MYT1L: variants seen among roughly 807,000 people sequenced by gnomAD.
MYT1L encodes myelin transcription factor 1-like protein.
A neutral mutation model predicts 126.7 loss-of-function variants in MYT1L; 12 were observed. The ratio of observed to expected loss-of-function variants is 0.09; its 90% CI spans 0.06 to 0.15. The LOEUF is 0.15. Among genes scored for constraint, MYT1L ranks in the 10% least tolerant of loss-of-function variants. The probability of loss-of-function intolerance (pLI) is 1.00; values close to 1 mark genes in which losing one functional copy is unlikely to be tolerated. For synonymous variants in MYT1L, 541 were observed against 604.2 expected (o/e 0.90, Z 1.53); for missense variants, 979 against 1,585.2 (o/e 0.62, Z 6.49).
At chr2:1,865,067 A>G (rs1401117239) in intron 18 of MYT1L, among the ~76,000 whole-genome samples, 1 of 151,926 alleles carries the variant, frequency 6.6e-6, no homozygotes, top group African/African-American at 2.4e-5. Flanking sequence ...TCTTGTGGGG[A>G]GGCGGGGGAA....
At chr2:2,012,582 T>A (rs2063940213) in intron 4 of MYT1L, among the ~76,000 whole-genome samples, 2 of 152,206 alleles carry the variant, frequency 1.3e-5, no homozygotes. Context: ...GTTTTCCTTT[T>A]CATGGTTTCA....
chr2:2,276,570 T>G (rs1215681447), intron 2 of MYT1L, among the ~76,000 whole-genome samples: 2 of 152,178 alleles, frequency 1.3e-5, no homozygotes, highest in Non-Finnish European at 2.9e-5. Flanking sequence ...CACTTCACCT[T>G]GGTCCTCCTG....
chr2:2,284,964 C>T (rs2095497985), intron 1 of MYT1L, among the ~76,000 whole-genome samples: 1 of 152,180 alleles, frequency 6.6e-6, no homozygotes, highest in South Asian at 2.1e-4. Context: ...GATCCGCCCA[C>T]CTTAGCCTCC....
intron 4 of MYT1L, among the ~76,000 whole-genome samples, chr2:2,004,045 TC>T (rs984936772): frequency 6.7e-5 from 10 of 150,070 alleles, no homozygotes. Context: ...ATGCATTCTT[TC>T]CTGCATACTT....
At chr2:1,996,559 G>A (rs1257624537) in intron 5 of MYT1L, among the ~76,000 whole-genome samples, 2 of 145,790 alleles carry the variant, frequency 1.4e-5, no homozygotes, top group East Asian at 2.1e-4. Context: ...GCACAGAACC[G>A]AGTGTAGACG....
intron 4 of MYT1L, among the ~76,000 whole-genome samples, chr2:2,044,699 G>A (rs2067960533): frequency 1.3e-5 from 2 of 152,168 alleles, no homozygotes; most frequent in Non-Finnish European, 1.5e-5. Flanking sequence ...TGGGCGATGG[G>A]GGCCATGGCT....
Position 1,943,163 on chromosome 2 carries a change from C to T in MYT1L, c.324G>A (p.Glu108=), listed in dbSNP as rs758715369. Residue 108 remains glutamate (E), a synonymous_variant, in exon 9 of 25, where the codon GAG becomes GAA. Transcript: ENST00000647738. This position sits in a 1 kb window ranked among gnomAD's most constrained non-coding sequence, Gnocchi z 4.4. Reference sequence around the variant, plus strand: ...GCTCATCATTGTCCTCGGAGTACTCCTCCCCCTCATCCTCCTCCTTCTCAT... The same window carrying T: ...GCTCATCATTGTCCTCGGAGTACTCTTCCCCCTCATCCTCCTCCTTCTCAT... The part of the protein sequence containing the change: ...DMDEKEEDEG[E]EYSEDNDEPG... 1 of 1,545,386 alleles carries T rather than the reference C, an allele frequency of 6.5e-7. No homozygotes were observed. Among genetic ancestry groups the T allele is most frequent in the South Asian group, 1.2e-5 (1 of 83,870 alleles).
intron 13 of MYT1L, among the ~76,000 whole-genome samples, chr2:1,909,790 C>G (rs376620021): frequency 6.6e-6 from 1 of 152,154 alleles, no homozygotes; most frequent in Non-Finnish European, 1.5e-5. Context: ...CGGTTTTGCA[C>G]GCGAGAGCTT....
chr2:1,880,759 G>A (rs552911635), intron 18 of MYT1L, among the ~76,000 whole-genome samples: 1 of 152,188 alleles, frequency 6.6e-6, no homozygotes, highest in African/African-American at 2.4e-5. Flanking sequence ...CCCATGGTCT[G>A]CGTTTTCTTT....
At chr2:1,857,390 T>C (rs560760485) in intron 18 of MYT1L, among the ~76,000 whole-genome samples, 1 of 152,218 alleles carries the variant, frequency 6.6e-6, no homozygotes, top group Non-Finnish European at 1.5e-5. Flanking sequence ...CCTCATCTAA[T>C]TGAGTCATTC....
intron 3 of MYT1L, among the ~76,000 whole-genome samples, chr2:2,062,107 T>C (rs1456283770): frequency 6.6e-6 from 1 of 152,182 alleles, no homozygotes; most frequent in African/African-American, 2.4e-5. Context: ...CCCAAGCCCT[T>C]CTCACAGTTT....
chr2:2,127,499 C>T (rs934813000), intron 3 of MYT1L, among the ~76,000 whole-genome samples: 27 of 152,268 alleles, frequency 1.8e-4, no homozygotes, highest in African/African-American at 4.3e-4. Context: ...AAACCCACAC[C>T]GCCATCTCAA....
chr2:2,129,545 A>C (rs898834982), intron 3 of MYT1L, among the ~76,000 whole-genome samples: 1 of 152,220 alleles, frequency 6.6e-6, no homozygotes, highest in Non-Finnish European at 1.5e-5. Context: ...GAGCCCACAC[A>C]GGAGAGAACA....
intron 23 of MYT1L, among the ~76,000 whole-genome samples, chr2:1,796,890 C>G (rs533823593): frequency 6.6e-6 from 1 of 152,304 alleles, no homozygotes; most frequent in East Asian, 1.9e-4. Context: ...CCAGGCCGTG[C>G]CCTGCACTTG....
At position 2,228,837 on chromosome 2, in the gene MYT1L, C is replaced by A. The variant is rs2094086391; in HGVS notation, c.-421+55567G>T. On this transcript the variant is annotated intron_variant, in intron 2 of 24. Transcript: ENST00000647738. The surrounding 1 kb of genome is among the most constrained non-coding windows in gnomAD (Gnocchi z 5.9). ...AGGGAAGTATTGATTATTTGCCCAGCCAATACAATAAATTTGTGCTCAATA... is the reference window on the plus strand; with the variant it reads ...AGGGAAGTATTGATTATTTGCCCAGACAATACAATAAATTTGTGCTCAATA... Among the ~76,000 whole-genome samples the A allele has an allele frequency of 6.6e-6, 1 of 151,948 alleles. No homozygotes were observed. The highest frequency in any genetic ancestry group is 1.5e-5 in the Non-Finnish European group (1 of 68,002).
chr2:2,194,226 C>T (rs2092708402), intron 2 of MYT1L, among the ~76,000 whole-genome samples: 1 of 151,976 alleles, frequency 6.6e-6, no homozygotes, highest in South Asian at 2.1e-4. Flanking sequence ...ACCACAGGCA[C>T]AAGCCCCTTT....
At chr2:1,871,382 C>T (rs1210768411) in intron 18 of MYT1L, among the ~76,000 whole-genome samples, 2 of 152,230 alleles carry the variant, frequency 1.3e-5, no homozygotes, top group Admixed American at 6.5e-5. Flanking sequence ...CCTCCTATCT[C>T]TGCTCCTCAG....
chr2:2,074,860 G>T (rs927343531), intron 3 of MYT1L, among the ~76,000 whole-genome samples: 1 of 152,158 alleles, frequency 6.6e-6, no homozygotes, highest in African/African-American at 2.4e-5. Context: ...GCCCTGAAAC[G>T]ATCTAATAAT....
At chr2:2,327,703 G>A (rs1001542790) in intron 1 of MYT1L, among the ~76,000 whole-genome samples, 1 of 152,268 alleles carries the variant, frequency 6.6e-6, no homozygotes, top group African/African-American at 2.4e-5. Flanking sequence ...ACTGGTTATT[G>A]ATTGAAAATT....
Sources: allele counts gnomAD v4.1 joint callset (sites outside exome capture counted in the v4.1 genomes callset), GRCh38; gene constraint gnomAD v4.1.1; non-coding constraint Gnocchi (gnomAD v3.1); transcripts MANE v1.5; gene names NCBI Gene and HGNC (gene_info 2026-07-23, HGNC 2026-07-21).